Variants in NXPE2 observed in about 807,000 individuals in gnomAD.
NXPE2 encodes the protein NXPE family member 2.
A neutral mutation model predicts 34.4 loss-of-function variants in NXPE2; 34 were observed. The ratio of observed to expected loss-of-function variants is 0.99; its 90% CI spans 0.75 to 1.31. The LOEUF is 1.31. Among genes scored for constraint, NXPE2 ranks in the 40% most tolerant of loss-of-function variants. The probability of loss-of-function intolerance (pLI) is 0.00; values close to 1 mark genes in which losing one functional copy is unlikely to be tolerated. For synonymous variants in NXPE2, 235 were observed against 231.3 expected (o/e 1.02, Z -0.15); for missense variants, 649 against 672.5 (o/e 0.97, Z 0.39).
the NXPE2 span, among the ~76,000 whole-genome samples, chr11:114,598,426 G>T: frequency 1.3e-5 from 2 of 152,224 alleles, no homozygotes; most frequent in African/African-American, 4.8e-5. Context: ...CTGTGTGGGG[G>T]CTCCAGCCCC....
At chr11:114,530,450 A>T in the NXPE2 span, 1 of 1,614,198 alleles carries the variant, frequency 6.2e-7, no homozygotes, top group Admixed American at 1.7e-5. Context: ...ACGCCCCTTC[A>T]CTGGGGTGGA....
In NXPE2 at chr11:114,698,557, C is replaced by A. The variant is rs779009783; in HGVS notation, c.645C>A (p.Ile215=). The part of the protein sequence containing the change: ...RARNQGCDRI[I]FTGLFANRSS... ...GGAACCAAGGATGTGATAGGATCAT[C>A]TTCACTGGCCTGTTTGCCAACAGAA... is the stretch of plus-strand genomic sequence containing the variant. The change falls in exon 3 of 6, where the codon ATC becomes ATA. Residue 215 remains isoleucine, a synonymous_variant. Transcript: ENST00000389586. 6.2e-7 allele frequency: 1 copy of A among 1,614,182 alleles called. No homozygotes were observed. Among genetic ancestry groups the A allele is most frequent in the Admixed American group, 1.7e-5 (1 of 60,020 alleles).
the NXPE2 span, among the ~76,000 whole-genome samples, chr11:114,552,591 GA>G: frequency 8.6e-5 from 13 of 151,090 alleles, no homozygotes; most frequent in Non-Finnish European, 1.6e-4. Flanking sequence ...CAAAGAAGAA[GA>G]AATCAATCAA....
At chr11:114,642,682 G>T in the NXPE2 span, among the ~76,000 whole-genome samples, 1 of 152,026 alleles carries the variant, frequency 6.6e-6, no homozygotes, top group African/African-American at 2.4e-5. Flanking sequence ...ATTTGGGTTG[G>T]TTCCAAGTCT....
At chr11:114,623,499 C>CG in the NXPE2 span, among the ~76,000 whole-genome samples, 1 of 151,894 alleles carries the variant, frequency 6.6e-6, no homozygotes, top group Non-Finnish European at 1.5e-5. Flanking sequence ...CACTGTTACC[C>CG]AGTGGATAAT....
the NXPE2 span, among the ~76,000 whole-genome samples, chr11:114,795,828 G>T: frequency 2.6e-5 from 4 of 152,212 alleles, no homozygotes; most frequent in Admixed American, 2.0e-4. Context: ...CCAAACCCTG[G>T]AATTCACTAA....
chr11:114,490,730 A>C, the NXPE2 span, among the ~76,000 whole-genome samples: 1 of 152,214 alleles, frequency 6.6e-6, no homozygotes, highest in African/African-American at 2.4e-5. Flanking sequence ...TAAATGTTAG[A>C]CCTAAAACCA....
chr11:114,796,010 A>G, the NXPE2 span, among the ~76,000 whole-genome samples: 5 of 152,290 alleles, frequency 3.3e-5, no homozygotes, highest in East Asian at 1.9e-4. Context: ...CCTATCAGCC[A>G]TGGGAAACTG....
chr11:114,691,736 C>T (rs1421559863), intron 2 of NXPE2, among the ~76,000 whole-genome samples: 2 of 152,220 alleles, frequency 1.3e-5, no homozygotes, highest in African/African-American at 4.8e-5. Context: ...TGGTGCCATG[C>T]TTGCATTTTC....
At chr11:114,468,518 A>T in the NXPE2 span, among the ~76,000 whole-genome samples, 10 of 152,134 alleles carry the variant, frequency 6.6e-5, no homozygotes, top group African/African-American at 2.4e-4. Flanking sequence ...CCTCCCAGGG[A>T]TTGTTTTAAA....
At chr11:114,759,265 C>T in the NXPE2 span, among the ~76,000 whole-genome samples, 1 of 152,204 alleles carries the variant, frequency 6.6e-6, no homozygotes, top group African/African-American at 2.4e-5. Context: ...CTCAGGAGCA[C>T]AGACTTCAGA....
the NXPE2 span, among the ~76,000 whole-genome samples, chr11:114,666,526 CTT>C: frequency 6.6e-6 from 1 of 152,180 alleles, no homozygotes; most frequent in East Asian, 1.9e-4. Context: ...AGGTAATTCT[CTT>C]TTTTTCAGAA....
rs1201542936 is a variant in NXPE2, at chr11:114,706,970, T to C, written c.*40T>C. ...AATAGCACTAGCCACTTTCTATAGA[T>C]GATCTCACATATACAGCGAAGATAG... On this transcript the variant is annotated 3_prime_UTR_variant, in exon 6 of 6. Transcript: ENST00000389586. 1.0e-5 allele frequency: 15 copies of C among 1,448,024 alleles called. No individual in the cohort carries two copies. Among genetic ancestry groups the C allele is most frequent in the Non-Finnish European group, 1.3e-5 (14 of 1,073,898 alleles). 89.7% of individuals were successfully genotyped at this position (1,448,024 alleles called of 1,614,324 possible).
chr11:114,753,887 C>T, the NXPE2 span, among the ~76,000 whole-genome samples: 1 of 152,062 alleles, frequency 6.6e-6, no homozygotes, highest in Non-Finnish European at 1.5e-5. Context: ...TCAAGAAAAT[C>T]ATTTTGGAAT....
the NXPE2 span, among the ~76,000 whole-genome samples, chr11:114,724,433 A>G: frequency 1.3e-5 from 2 of 152,180 alleles, no homozygotes; most frequent in Non-Finnish European, 2.9e-5. Flanking sequence ...GAGTAATGTA[A>G]TAGCCAGTAG....
chr11:114,799,311 A>AAAAAAAAAG, the NXPE2 span, among the ~76,000 whole-genome samples: 15 of 133,046 alleles, frequency 1.1e-4, no homozygotes, highest in South Asian at 2.3e-4. Flanking sequence ...AAAAAAAAAA[A>AAAAAAAAAG]AAAATTGGTG....
At chr11:114,751,452 T>A in the NXPE2 span, among the ~76,000 whole-genome samples, 1 of 152,160 alleles carries the variant, frequency 6.6e-6, no homozygotes. Context: ...TATACACAGA[T>A]ATATTAGTTC....
chr11:114,636,712 C>T, the NXPE2 span, among the ~76,000 whole-genome samples: 21,986 of 151,926 alleles, frequency 0.14, 2,033 homozygotes, highest in East Asian at 0.38. Flanking sequence ...GCCTTCATTT[C>T]GTTATGTACC....
chr11:114,724,349 C>T, the NXPE2 span, among the ~76,000 whole-genome samples: 23 of 152,206 alleles, frequency 1.5e-4, no homozygotes, highest in Non-Finnish European at 2.4e-4. Flanking sequence ...CCTCGTACTC[C>T]GCAAGAATGA....
Sources: allele counts gnomAD v4.1 joint callset (sites outside exome capture counted in the v4.1 genomes callset), GRCh38; gene constraint gnomAD v4.1.1; transcripts MANE v1.5; gene names NCBI Gene and HGNC (gene_info 2026-07-23, HGNC 2026-07-21).